Variants in NLGN4X observed in about 807,000 individuals in gnomAD.
NLGN4X encodes neuroligin 4 X-linked, also known as neuroligin-4, X-linked.
Under a neutral mutation model 40.3 loss-of-function variants are expected in NLGN4X, and 3 were observed. That is an observed-to-expected ratio of 0.07 (90% confidence interval 0.03 to 0.19). The LOEUF (loss-of-function observed/expected upper bound fraction) is 0.19. Among genes scored for constraint, NLGN4X ranks in the 10% least tolerant of loss-of-function variants. NLGN4X has a pLI of 1.00. For synonymous variants in NLGN4X, 270 were observed against 306.8 expected (o/e 0.88, Z 1.25); for missense variants, 382 against 708.3 (o/e 0.54, Z 5.23).
intron 2 of NLGN4X, among the ~76,000 whole-genome samples, chrX:6,123,587 G>A (rs753659652): frequency 1.8e-5 from 2 of 111,334 alleles, no homozygotes; most frequent in Admixed American, 1.9e-4. Flanking sequence ...GATTGAGAGA[G>A]AGAGATGCCG....
At chrX:6,009,066 AGT>A (rs80266407) in intron 3 of NLGN4X, among the ~76,000 whole-genome samples, 18 of 107,934 alleles carry the variant, frequency 1.7e-4, no homozygotes, top group African/African-American at 5.7e-4. Flanking sequence ...CCATTTCAGC[AGT>A]GTGTGTGTGT....
chrX:6,101,084 C>A (rs182160189), intron 2 of NLGN4X, among the ~76,000 whole-genome samples: 301 of 111,357 alleles, frequency 2.7e-3, no homozygotes, highest in African/African-American at 9.3e-3. Context: ...AAGAAAAAAA[C>A]CAAAACATTT....
At chrX:6,156,336 C>T (rs1384723077) in intron 1 of NLGN4X, among the ~76,000 whole-genome samples, 1 of 111,337 alleles carries the variant, frequency 9.0e-6, no homozygotes, top group East Asian at 2.8e-4. Context: ...AGTGAAACCC[C>T]ATCTCTACTA....
chrX:6,044,883 G>A (rs956392789), intron 2 of NLGN4X, among the ~76,000 whole-genome samples: 1 of 112,260 alleles, frequency 8.9e-6, no homozygotes, highest in African/African-American at 3.2e-5. Flanking sequence ...GTCCTCTCAG[G>A]AACACTCTAA....
At position 5,917,700 on chromosome X, in the gene NLGN4X, T is replaced by C. The variant is rs184937152; in HGVS notation, c.626-8461A>G. Among the ~76,000 whole-genome samples the C allele has an allele frequency of 3.1e-4, 35 of 111,984 alleles. No homozygotes were observed. In the Admixed American group the frequency reaches 3.2e-3, roughly 10 times the overall value. Reference sequence around the variant, plus strand: ...TTACCTACTAGCCTGCTTTCATGAATATCAGAAGCCATGCAGTTTAGTTTT... The same window carrying C: ...TTACCTACTAGCCTGCTTTCATGAACATCAGAAGCCATGCAGTTTAGTTTT... On this transcript the variant is annotated intron_variant, in intron 3 of 5. Coordinates refer to ENST00000381095, the MANE Select transcript of NLGN4X (RefSeq NM_181332.3).
chrX:5,965,164 T>C (rs2034787121), intron 3 of NLGN4X, among the ~76,000 whole-genome samples: 1 of 111,935 alleles, frequency 8.9e-6, no homozygotes, highest in South Asian at 3.8e-4. Context: ...AAACCTGTCA[T>C]ACACACACAA....
At chrX:5,941,278 T>C (rs2033938870) in intron 3 of NLGN4X, among the ~76,000 whole-genome samples, 1 of 104,425 alleles carries the variant, frequency 9.6e-6, no homozygotes, top group Admixed American at 1.1e-4. Context: ...TCCTAAGAAA[T>C]AGCAATTAAA....
intron 1 of NLGN4X, among the ~76,000 whole-genome samples, chrX:6,185,993 T>C (rs962728588): frequency 4.4e-5 from 5 of 112,601 alleles, no homozygotes; most frequent in Admixed American, 1.9e-4. Context: ...GGCTTTAAAC[T>C]TGCTCTGTGT....
chrX:6,032,681 C>T (rs750590327), intron 2 of NLGN4X: 7 of 1,162,759 alleles, frequency 6.0e-6, no homozygotes, highest in Admixed American at 2.3e-5. Flanking sequence ...TTTGAAAAAA[C>T]AAAAAATACC....
At chrX:6,005,882 C>T (rs766077883) in intron 3 of NLGN4X, among the ~76,000 whole-genome samples, 28 of 111,190 alleles carry the variant, frequency 2.5e-4, no homozygotes, top group Non-Finnish European at 4.7e-4. Context: ...CACTTAATTC[C>T]CCTAAAAATC....
At chrX:6,010,373 G>T (rs2036214513) in intron 3 of NLGN4X, among the ~76,000 whole-genome samples, 1 of 109,329 alleles carries the variant, frequency 9.1e-6, no homozygotes, top group Admixed American at 9.9e-5. Flanking sequence ...TGCTCAATCA[G>T]CCTCCAGGAC....
chrX:5,917,507 A>T (rs918034554), intron 3 of NLGN4X, among the ~76,000 whole-genome samples: 2 of 112,267 alleles, frequency 1.8e-5, no homozygotes, highest in African/African-American at 6.5e-5. Flanking sequence ...CTTGTGGTGG[A>T]ATCTATTGCA....
chrX:6,047,895 C>T lies in NLGN4X; in HGVS notation c.473-18463G>A, dbSNP rs190834872. Among the ~76,000 whole-genome samples, 264 of 111,566 alleles carry T rather than the reference C, an allele frequency of 2.4e-3. 1 individual carries two copies. Among genetic ancestry groups the T allele is most frequent in the African/African-American group, 7.8e-3 (238 of 30,707 alleles). The stretch of plus-strand genomic sequence containing the variant: ...TGAGTGCAGGTGACTTGGATGTAGG[C>T]CTCTTGGGTGGCTCATTTTCTCAAA... On this transcript the variant is annotated intron_variant, in intron 2 of 5. Transcript: ENST00000381095.
At chrX:6,098,274 G>C (rs1005328622) in intron 2 of NLGN4X, among the ~76,000 whole-genome samples, 22 of 112,018 alleles carry the variant, frequency 2.0e-4, no homozygotes, top group African/African-American at 7.1e-4. Context: ...ACTCCAGTGT[G>C]GGTGGCAGAG....
At chrX:5,914,903 T>C (rs1351948806) in intron 3 of NLGN4X, among the ~76,000 whole-genome samples, 1 of 112,115 alleles carries the variant, frequency 8.9e-6, no homozygotes, top group Non-Finnish European at 1.9e-5. Flanking sequence ...AAATCATTCA[T>C]GAAATGCATT....
chrX:6,024,656 C>G (rs183334183), intron 3 of NLGN4X, among the ~76,000 whole-genome samples: 1 of 111,222 alleles, frequency 9.0e-6, no homozygotes, highest in Non-Finnish European at 1.9e-5. Context: ...ACTCATTATA[C>G]GCTAATTATA....
intron 2 of NLGN4X, among the ~76,000 whole-genome samples, chrX:6,063,370 A>G (rs1202318804): frequency 8.9e-6 from 1 of 112,100 alleles, no homozygotes; most frequent in Non-Finnish European, 1.9e-5. Flanking sequence ...CTGTAGTCCT[A>G]GGTACTTGGG....
chrX:6,222,270 T>TGCC, intron 1 of NLGN4X, among the ~76,000 whole-genome samples: 1 of 111,028 alleles, frequency 9.0e-6, no homozygotes, highest in African/African-American at 3.3e-5. Flanking sequence ...GTTAATAAAA[T>TGCC]CACATGTCTG....
intron 1 of NLGN4X, among the ~76,000 whole-genome samples, chrX:6,161,049 T>A (rs2040378249): frequency 2.1e-5 from 2 of 94,715 alleles, no homozygotes; most frequent in Non-Finnish European, 4.0e-5. Flanking sequence ...ATTCTATATA[T>A]AATATAGGAT....
Sources: allele counts gnomAD v4.1 joint callset (sites outside exome capture counted in the v4.1 genomes callset), GRCh38; gene constraint gnomAD v4.1.1; transcripts MANE v1.5; gene names NCBI Gene and HGNC (gene_info 2026-07-23, HGNC 2026-07-21).